Variants in EBF2 observed in about 807,000 individuals in gnomAD.
EBF2 encodes the protein transcription factor COE2.
Under a neutral mutation model 72.8 loss-of-function variants are expected in EBF2, and 21 were observed. That is an observed-to-expected ratio of 0.29 (90% CI 0.20 to 0.42). EBF2 has a LOEUF of 0.42. Ranked by LOEUF, EBF2 falls within the 10% of genes least tolerant of loss-of-function variation. EBF2 has a pLI of 1.00. For missense variants in EBF2, 637 were observed against 731.2 expected (o/e 0.87, Z 1.49); for synonymous variants, 299 against 274.2 (o/e 1.09, Z -0.89).
intron 8 of EBF2, among the ~76,000 whole-genome samples, chr8:25,889,312 C>A (rs1342747750): frequency 6.6e-6 from 1 of 152,232 alleles, no homozygotes; most frequent in Non-Finnish European, 1.5e-5. Context: ...CTACCCAGAA[C>A]AGACCATGAT....
intron 6 of EBF2, among the ~76,000 whole-genome samples, chr8:25,955,069 G>A (rs965088089): frequency 2.6e-5 from 4 of 152,220 alleles, no homozygotes; most frequent in African/African-American, 4.8e-5. Context: ...AGGGCACGGA[G>A]CGCATCCCCA....
Position 26,040,115 on chromosome 8 carries a change from A to G in EBF2, c.409-14T>C. ...GTAAGCGATGGGCTGTGAAGGAGGT[A>G]GTGGCAGGAAAGGAAGATGTGGAGA... is the stretch of plus-strand genomic sequence containing the variant. On this transcript the variant is annotated splice_polypyrimidine_tract_variant and intron_variant, in intron 4 of 15. Coordinates refer to ENST00000520164, the MANE Select transcript of EBF2 (RefSeq NM_022659.4). The G allele has an allele frequency of 1.2e-6, 2 of 1,610,168 alleles. No homozygotes were observed. Among genetic ancestry groups the G allele is most frequent in the Non-Finnish European group, 8.5e-7 (1 of 1,176,670 alleles).
intron 6 of EBF2, among the ~76,000 whole-genome samples, chr8:25,970,765 G>T (rs1037121076): frequency 6.6e-6 from 1 of 152,114 alleles, no homozygotes; most frequent in African/African-American, 2.4e-5. Flanking sequence ...CCCTCATGCT[G>T]GGTCACTCAC....
At chr8:25,852,049 A>G (rs1801989169) in intron 14 of EBF2, among the ~76,000 whole-genome samples, 1 of 152,232 alleles carries the variant, frequency 6.6e-6, no homozygotes, top group South Asian at 2.1e-4. Context: ...AAAACATCTT[A>G]TCCTTAAAGT....
chr8:25,854,130 G>A (rs1019772372), intron 14 of EBF2, among the ~76,000 whole-genome samples: 1 of 151,308 alleles, frequency 6.6e-6, no homozygotes, highest in Admixed American at 6.6e-5. Flanking sequence ...ACAATCCTTA[G>A]CAATAGACAT....
intron 6 of EBF2, among the ~76,000 whole-genome samples, chr8:25,953,855 C>T (rs907904099): frequency 2.0e-5 from 3 of 152,202 alleles, no homozygotes; most frequent in African/African-American, 4.8e-5. Flanking sequence ...AGATCAGCGG[C>T]TTAGTAGACA....
chr8:26,044,918 C>G lies in EBF2; in HGVS notation c.-59G>C. On this transcript the variant is annotated 5_prime_UTR_variant, in exon 1 of 16. Transcript: ENST00000520164. This position sits in a 1 kb window ranked among gnomAD's most constrained non-coding sequence, Gnocchi z 4.1. ...AGTAAGAGTTACAACACAGTCCTGA[C>G]TGTTCCCAACGTTGCCAGCAAATCG... 6.4e-7 allele frequency: 1 copy of G among 1,562,274 alleles called. No homozygotes were observed. The highest frequency in any genetic ancestry group is 8.7e-7 in the Non-Finnish European group (1 of 1,147,436).
intron 6 of EBF2, among the ~76,000 whole-genome samples, chr8:25,917,382 G>A (rs1803235808): frequency 6.6e-6 from 1 of 152,120 alleles, no homozygotes; most frequent in East Asian, 1.9e-4. Flanking sequence ...GGCTTGAATT[G>A]GAATGAGACA....
At chr8:25,896,668 G>C (rs933361499) in intron 7 of EBF2, among the ~76,000 whole-genome samples, 11 of 152,176 alleles carry the variant, frequency 7.2e-5, no homozygotes, top group Non-Finnish European at 1.5e-4. Context: ...AACCATTAAA[G>C]GGACAGAGAA....
In EBF2 at chr8:26,030,510, G is replaced by C. The variant is rs534032810; in HGVS notation, c.551+2575C>G. ...TTAATGGGTGCAGCACACCAACATG[G>C]CACATGTATACATATGTAACAAACC... On this transcript the variant is annotated intron_variant, in intron 6 of 15. Transcript: ENST00000520164. Among the ~76,000 whole-genome samples, 269 of 151,936 alleles carry C rather than the reference G, an allele frequency of 1.8e-3. 2 individuals carry two copies. The highest frequency in any genetic ancestry group is 6.2e-3 in the African/African-American group (257 of 41,386).
chr8:25,985,728 G>T (rs556551381), intron 6 of EBF2, among the ~76,000 whole-genome samples: 2 of 152,206 alleles, frequency 1.3e-5, no homozygotes, highest in South Asian at 4.1e-4. Context: ...GGCCAGACAC[G>T]GTCGCTTATG....
At chr8:25,995,597 A>G (rs1183483655) in intron 6 of EBF2, among the ~76,000 whole-genome samples, 1 of 152,180 alleles carries the variant, frequency 6.6e-6, no homozygotes, top group East Asian at 1.9e-4. Flanking sequence ...AAATCACTGA[A>G]GTGCACACTG....
At chr8:25,903,619 T>A (rs1802990676) in intron 7 of EBF2, among the ~76,000 whole-genome samples, 1 of 151,698 alleles carries the variant, frequency 6.6e-6, no homozygotes, top group Admixed American at 6.6e-5. Flanking sequence ...ATGGCGTGAA[T>A]CCGGGAGGCG....
chr8:25,859,087 G>C (rs1802159471), intron 13 of EBF2, among the ~76,000 whole-genome samples: 1 of 152,134 alleles, frequency 6.6e-6, no homozygotes, highest in Non-Finnish European at 1.5e-5. Context: ...TAGCAGTGTG[G>C]AGTTCCCTCT....
intron 6 of EBF2, among the ~76,000 whole-genome samples, chr8:25,928,769 A>C (rs928730509): frequency 2.5e-5 from 3 of 117,830 alleles, no homozygotes; most frequent in African/African-American, 1.0e-4. Context: ...TAATAATAAA[A>C]TGATTTTTAA....
chr8:25,935,585 C>A (rs1053416991), intron 6 of EBF2, among the ~76,000 whole-genome samples: 1 of 152,142 alleles, frequency 6.6e-6, no homozygotes. Context: ...GGCACATTGC[C>A]TTTCTTGTTT....
chr8:25,972,909 G>C (rs1413801690), intron 6 of EBF2, among the ~76,000 whole-genome samples: 4 of 109,120 alleles, frequency 3.7e-5, no homozygotes, highest in Non-Finnish European at 5.4e-5. Context: ...TTTTCATAAA[G>C]CACATTTGAA....
intron 7 of EBF2, among the ~76,000 whole-genome samples, chr8:25,893,021 A>C (rs1342331446): frequency 6.6e-6 from 1 of 152,214 alleles, no homozygotes; most frequent in African/African-American, 2.4e-5. Flanking sequence ...TTCTTATCAA[A>C]GTGATCTCAG....
At position 25,972,870 on chromosome 8, in the gene EBF2, CT is replaced by C. The variant is rs35053241; in HGVS notation, c.551+60214del. 5.0e-3 allele frequency among the ~76,000 whole-genome samples: 628 copies of C among 124,686 alleles called. 3 individuals carry two copies. The highest frequency in any genetic ancestry group is 0.013 in the African/African-American group (446 of 33,402). 81.8% of individuals were successfully genotyped at this position (124,686 alleles called of 152,430 possible). A position where few individuals can be genotyped will look rare whatever the true frequency, so the allele number is the denominator to read the frequency against. ...CAATATGCAATACAATGCAGTTTGG[CT>C]TTTTTTTTTTTTTTTTGAAAATCAC... On this transcript the variant is annotated intron_variant, in intron 6 of 15. Coordinates refer to ENST00000520164, the MANE Select transcript of EBF2 (RefSeq NM_022659.4).
Sources: gnomAD v4.1 joint callset for allele counts (sites outside exome capture counted in the v4.1 genomes callset) on GRCh38, gnomAD v4.1.1 for gene constraint, Gnocchi (gnomAD v3.1) non-coding constraint, MANE v1.5 for transcripts, NCBI Gene and HGNC (gene_info 2026-07-23, HGNC 2026-07-21) for gene names.